Variants in MEIS1 observed in about 807,000 individuals in gnomAD.
MEIS1 encodes Meis homeobox 1.
In MEIS1, 5 loss-of-function variants were observed where a neutral mutation model predicts 50.8. That is an observed-to-expected ratio of 0.10 (90% CI 0.05 to 0.21). MEIS1 has a LOEUF of 0.21. MEIS1 is among the 10% of genes least tolerant of loss of function. MEIS1 has a pLI of 1.00. For missense variants in MEIS1, 318 were observed against 517.3 expected, an observed-to-expected ratio of 0.61 and a Z score of 3.74; for synonymous variants, 176 against 179.3, an observed-to-expected ratio of 0.98 and a Z score of 0.15.
intron 7 of MEIS1, among the ~76,000 whole-genome samples, 162 bp downstream of exon 7, chr2:66,464,382 T>A (rs1359560362): frequency 2.0e-5 from 3 of 152,250 alleles, no homozygotes; most frequent in African/African-American, 7.2e-5. Context: ...CCTGCTCTTC[T>A]GTGCTATTCC....
intron 7 of MEIS1, among the ~76,000 whole-genome samples, chr2:66,499,432 C>G (rs1306648632): frequency 6.6e-6 from 1 of 152,050 alleles, no homozygotes; most frequent in Non-Finnish European, 1.5e-5. Context: ...AGGATGGACT[C>G]TCTCATCCCT....
intron 8 of MEIS1, among the ~76,000 whole-genome samples, chr2:66,521,123 A>T (rs1674107301): frequency 6.6e-6 from 1 of 152,262 alleles, no homozygotes; most frequent in Admixed American, 6.5e-5. Flanking sequence ...TCTGCCCATA[A>T]AAAAGGCAAA....
At chr2:66,561,826 A>G (rs1675219625) in intron 9 of MEIS1, among the ~76,000 whole-genome samples, 1 of 152,146 alleles carries the variant, frequency 6.6e-6, no homozygotes, top group African/African-American at 2.4e-5. Context: ...CCTAGTTGGC[A>G]AGAAACACGA....
chr2:66,564,724 T>C lies in MEIS1; in HGVS notation c.966-2729T>C, dbSNP rs534726085. On this transcript the variant is annotated intron_variant, in intron 9 of 12. Transcript: ENST00000272369. ...AGGTTGGGTGCAAAAGTAATTGTTT[T>C]TTTTTTTTTTAATTATACTTTAAGT... 1.1e-4 allele frequency among the ~76,000 whole-genome samples: 17 copies of C among 152,166 alleles called. 2 individuals are homozygous for C. The South Asian group carries it at 3.5e-3, about 32-fold the overall frequency.
At chr2:66,504,426 G>T (rs1290408472) in intron 7 of MEIS1, among the ~76,000 whole-genome samples, 2 of 151,780 alleles carry the variant, frequency 1.3e-5, no homozygotes, top group African/African-American at 4.8e-5. Flanking sequence ...AGTGGAGATG[G>T]GCTTTCACTA....
intron 9 of MEIS1, among the ~76,000 whole-genome samples, chr2:66,549,256 GA>G (rs1233435340): frequency 3.3e-5 from 5 of 152,098 alleles, no homozygotes; most frequent in Admixed American, 3.3e-4. Context: ...ACTCACATAA[GA>G]ATTGCTTGTA....
rs530974485 is a variant in MEIS1, at chr2:66,506,360, G to A, written c.743-5789G>A. ...TGTCATGTTGTTGGGGGAAGCAAGC[G>A]AAGACTGCTGCAAGGAATGGGACTA... On this transcript the variant is annotated intron_variant, in intron 7 of 12. Coordinates refer to ENST00000272369, the MANE Select transcript of MEIS1 (RefSeq NM_002398.3). 1.9e-4 allele frequency among the ~76,000 whole-genome samples: 29 copies of A among 152,228 alleles called. 1 individual carries two copies. Among genetic ancestry groups the A allele is most frequent in the East Asian group, 7.7e-4 (4 of 5,176 alleles).
At position 66,565,909 on chromosome 2, in the gene MEIS1, A is replaced by G. The variant is rs1337891212; in HGVS notation, c.966-1544A>G. On this transcript the variant is annotated intron_variant, in intron 9 of 12. Transcript: ENST00000272369. ...TGCAGTGAAGGCAGCTAATGAAAAA[A>G]CAGATTTTTTTTCATTTTAATTGGT... Among the ~76,000 whole-genome samples, 3 of 152,202 alleles carry G rather than the reference A, an allele frequency of 2.0e-5. No homozygotes were observed. The East Asian group carries it at 5.8e-4, about 29-fold the overall frequency.
At chr2:66,546,328 G>T (rs941338900) in intron 8 of MEIS1, among the ~76,000 whole-genome samples, 2 of 152,120 alleles carry the variant, frequency 1.3e-5, no homozygotes, top group African/African-American at 4.8e-5. Flanking sequence ...TTGGTATAGG[G>T]GTAGGAAGCG....
intron 8 of MEIS1, among the ~76,000 whole-genome samples, chr2:66,536,232 C>T (rs1247090336): frequency 6.6e-6 from 1 of 152,082 alleles, no homozygotes; most frequent in Non-Finnish European, 1.5e-5. Context: ...TTATTTAATA[C>T]CAAATTTACA....
At chr2:66,468,867 A>G (rs1386769283) in intron 7 of MEIS1, among the ~76,000 whole-genome samples, 1 of 152,210 alleles carries the variant, frequency 6.6e-6, no homozygotes, top group Non-Finnish European at 1.5e-5. Context: ...TGAATGAAGT[A>G]TTTACAAAGG....
At chr2:66,569,252 C>A in intron 12 of MEIS1, 107 bp downstream of exon 12, 2 of 903,446 alleles carry the variant, frequency 2.2e-6, no homozygotes, top group Non-Finnish European at 3.4e-6. Context: ...TCATTCCTTT[C>A]CATTAAACTC....
intron 11 of MEIS1, 62 bp downstream of exon 11, chr2:66,568,818 A>G (rs892459772): frequency 2.8e-6 from 4 of 1,411,372 alleles, no homozygotes; most frequent in Non-Finnish European, 4.0e-6. Context: ...TCCCCTCATC[A>G]ACACAGGTAA....
intron 7 of MEIS1, among the ~76,000 whole-genome samples, chr2:66,494,990 C>A (rs1673362737): frequency 6.6e-6 from 1 of 150,892 alleles, no homozygotes; most frequent in Non-Finnish European, 1.5e-5. Context: ...GCCCCTGGTT[C>A]ACAGCCAGGT....
At chr2:66,507,200 C>T (rs1346506086) in intron 7 of MEIS1, among the ~76,000 whole-genome samples, 2 of 152,146 alleles carry the variant, frequency 1.3e-5, no homozygotes, top group East Asian at 1.9e-4. Context: ...TAGGCACAAT[C>T]GAATTTATGC....
intron 8 of MEIS1, among the ~76,000 whole-genome samples, chr2:66,534,009 A>G (rs1674457949): frequency 6.6e-6 from 1 of 152,240 alleles, no homozygotes; most frequent in Non-Finnish European, 1.5e-5. Flanking sequence ...CTTAAGAGTC[A>G]TCTCAGATTC....
Position 66,508,484 on chromosome 2 carries a change from C to T in MEIS1, c.743-3665C>T, listed in dbSNP as rs562906328. ...GGGGAAAAAAGAGACTGGAGTGGCCCGGTCTCATCAGAGCCCAGGAAGTTG... is the reference window on the plus strand; with the variant it reads ...GGGGAAAAAAGAGACTGGAGTGGCCTGGTCTCATCAGAGCCCAGGAAGTTG... On this transcript the variant is annotated intron_variant, in intron 7 of 12. Coordinates refer to ENST00000272369, the MANE Select transcript of MEIS1 (RefSeq NM_002398.3). Among the ~76,000 whole-genome samples, 5 of 152,142 alleles carry T rather than the reference C, an allele frequency of 3.3e-5. No homozygotes were observed. In the East Asian group the frequency reaches 7.7e-4, roughly 23 times the overall value.
chr2:66,439,685 T>G, intron 2 of MEIS1, 158 bp from the exon 3 acceptor site: 1 of 1,541,104 alleles, frequency 6.5e-7, no homozygotes, highest in Non-Finnish European at 8.7e-7. Context: ...AGCGGTCACC[T>G]GGGTCTGGGG....
intron 7 of MEIS1, among the ~76,000 whole-genome samples, chr2:66,505,687 C>A (rs1673669829): frequency 6.6e-6 from 1 of 152,060 alleles, no homozygotes; most frequent in South Asian, 2.1e-4. Context: ...AAAGAAACAA[C>A]CTTTGCTCAG....
Sources: allele counts gnomAD v4.1 joint callset (sites outside exome capture counted in the v4.1 genomes callset), GRCh38; gene constraint gnomAD v4.1.1; transcripts MANE v1.5; gene names NCBI Gene and HGNC (gene_info 2026-07-23, HGNC 2026-07-21).